SPIDR: variants seen among roughly 807,000 people sequenced by gnomAD.
SPIDR encodes DNA repair-scaffolding protein.
SPIDR carries 93 observed loss-of-function variants against 104.6 expected under a neutral mutation model. That is an observed-to-expected ratio of 0.89 (90% CI 0.75 to 1.06). SPIDR has a LOEUF of 1.06. SPIDR is among the 50% of genes least tolerant of loss of function. SPIDR has a pLI of 0.00. For synonymous variants in SPIDR, 431 were observed against 416.9 expected (o/e 1.03, Z -0.41); for missense variants, 1,154 against 1,111.2 (o/e 1.04, Z -0.55).
intron 5 of SPIDR, among the ~76,000 whole-genome samples, chr8:47,312,339 G>C (rs1157388170): frequency 1.2e-4 from 19 of 152,196 alleles, no homozygotes; most frequent in Non-Finnish European, 2.9e-5. Context: ...CCCACCAACA[G>C]TGTAAAAGTG....
intron 2 of SPIDR, among the ~76,000 whole-genome samples, chr8:47,280,392 T>TG (rs2037507183): frequency 8.5e-6 from 1 of 117,750 alleles, no homozygotes; most frequent in African/African-American, 5.0e-5. Flanking sequence ...CGTGCCTGGC[T>TG]AATTTTTTTT....
At chr8:47,637,877 C>G (rs2068207209) in intron 10 of SPIDR, among the ~76,000 whole-genome samples, 1 of 152,134 alleles carries the variant, frequency 6.6e-6, no homozygotes, top group Non-Finnish European at 1.5e-5. Context: ...ACAGAGAGCT[C>G]CAATCCCCTT....
chr8:47,567,738 A>C (rs1355481233), intron 8 of SPIDR, among the ~76,000 whole-genome samples: 1 of 151,352 alleles, frequency 6.6e-6, no homozygotes, highest in African/African-American at 2.4e-5. Flanking sequence ...ACAGTGCACT[A>C]ACTTGAACTT....
Position 47,735,750 on chromosome 8 carries a change from ATT to A in SPIDR, c.*307_*308del. 1 of 586,512 alleles carries A rather than the reference ATT, an allele frequency of 1.7e-6. No individual in the cohort carries two copies. The highest frequency in any genetic ancestry group is 3.2e-5 in the East Asian group (1 of 31,404). The allele number at this position is 586,512 out of a possible 1,614,324, so 36.3% of individuals were successfully genotyped here. A position where few individuals can be genotyped will look rare whatever the true frequency, so the allele number is the denominator to read the frequency against. ...TATTTAGGCAATATATGAGAAAAAA[ATT>A]TTTTTTGTTCATTTGTAATTTTAAC... On this transcript the variant is annotated 3_prime_UTR_variant, in exon 20 of 20. Transcript: ENST00000297423.
At chr8:47,654,694 A>T (rs2072379083) in intron 10 of SPIDR, among the ~76,000 whole-genome samples, 1 of 152,158 alleles carries the variant, frequency 6.6e-6, no homozygotes, top group Admixed American at 6.5e-5. Flanking sequence ...CATATAAGAC[A>T]TTATCTTTTA....
rs184016646 is a variant in SPIDR at position 47,548,879 on chromosome 8, C to T, written c.1098-46932C>T. 1.8e-3 allele frequency among the ~76,000 whole-genome samples: 274 copies of T among 152,280 alleles called. 2 individuals carry two copies. Among genetic ancestry groups the T allele is most frequent in the African/African-American group, 6.0e-3 (249 of 41,554 alleles). On this transcript the variant is annotated intron_variant, in intron 8 of 19. Transcript: ENST00000297423. Reference sequence around the variant, plus strand: ...TGCTGTGCTGCACCCATTAATTCATCATTTACATTAGGTATATCTCCTAAT... The same window carrying T: ...TGCTGTGCTGCACCCATTAATTCATTATTTACATTAGGTATATCTCCTAAT...
chr8:47,687,391 G>A (rs1171501182), intron 11 of SPIDR, among the ~76,000 whole-genome samples: 2 of 152,176 alleles, frequency 1.3e-5, no homozygotes, highest in Admixed American at 6.5e-5. Flanking sequence ...TATGGTTTGC[G>A]TTTTTCACTT....
intron 10 of SPIDR, chr8:47,660,528 T>A: frequency 1.0e-6 from 1 of 985,408 alleles, no homozygotes; most frequent in Non-Finnish European, 1.2e-6. Context: ...ATTCTGCTGC[T>A]ACCCTGTTCC....
intron 7 of SPIDR, among the ~76,000 whole-genome samples, chr8:47,424,871 C>G (rs1357964965): frequency 6.6e-6 from 1 of 152,152 alleles, no homozygotes; most frequent in African/African-American, 2.4e-5. Context: ...GCTGGGATTA[C>G]AGGCGCCTGC....
At chr8:47,414,588 A>G (rs1419809501) in intron 7 of SPIDR, among the ~76,000 whole-genome samples, 4 of 152,076 alleles carry the variant, frequency 2.6e-5, no homozygotes, top group Non-Finnish European at 5.9e-5. Flanking sequence ...GGAGTATTTA[A>G]TTACCCCACA....
chr8:47,279,640 T>C (rs1586249543), intron 1 of SPIDR, among the ~76,000 whole-genome samples: 1 of 152,202 alleles, frequency 6.6e-6, no homozygotes, highest in Admixed American at 6.5e-5. Context: ...TGGTTTGTCT[T>C]TACCCACTTG....
At chr8:47,489,079 A>G (rs544876332) in intron 8 of SPIDR, among the ~76,000 whole-genome samples, 1 of 152,218 alleles carries the variant, frequency 6.6e-6, no homozygotes, top group Non-Finnish European at 1.5e-5. Flanking sequence ...TTTGCAGATG[A>G]CATGATTGTA....
At chr8:47,654,017 C>T (rs1804771319) in intron 10 of SPIDR, 14 of 1,287,512 alleles carry the variant, frequency 1.1e-5, no homozygotes, top group Non-Finnish European at 1.4e-5. Flanking sequence ...CTATCAGATT[C>T]CATGAGGGGA....
At chr8:47,274,726 C>T (rs1452573179) in intron 1 of SPIDR, among the ~76,000 whole-genome samples, 4 of 151,262 alleles carry the variant, frequency 2.6e-5, no homozygotes, top group East Asian at 2.0e-4. Flanking sequence ...ACAGGCACCG[C>T]GACCACACCC....
At chr8:47,430,828 C>T (rs1344675616) in intron 7 of SPIDR, among the ~76,000 whole-genome samples, 3 of 152,124 alleles carry the variant, frequency 2.0e-5, no homozygotes, top group African/African-American at 7.2e-5. Context: ...TTACTGGACA[C>T]CATTTTAATC....
chr8:47,660,305 ATTCAC>A (rs2073898069), intron 10 of SPIDR: 1 of 307,390 alleles, frequency 3.3e-6, no homozygotes, highest in African/African-American at 2.3e-5. Flanking sequence ...AAAGACAAAT[ATTCAC>A]TTCATAATGG....
At chr8:47,278,272 C>T (rs1307083549) in intron 1 of SPIDR, among the ~76,000 whole-genome samples, 2 of 151,950 alleles carry the variant, frequency 1.3e-5, no homozygotes, top group Admixed American at 1.3e-4. Flanking sequence ...CCTCCCACCC[C>T]AGCCTCTTGA....
intron 6 of SPIDR, among the ~76,000 whole-genome samples, chr8:47,403,582 T>C (rs2062240341): frequency 6.6e-6 from 1 of 152,154 alleles, no homozygotes; most frequent in Non-Finnish European, 1.5e-5. Flanking sequence ...AGCCAAATTA[T>C]GAGTGAACTC....
intron 7 of SPIDR, among the ~76,000 whole-genome samples, chr8:47,420,486 T>C (rs559772428): frequency 1.2e-4 from 18 of 152,306 alleles, no homozygotes; most frequent in African/African-American, 4.3e-4. Flanking sequence ...CCTCCATCCT[T>C]TTATTTTGAG....
Sources: allele counts gnomAD v4.1 joint callset (sites outside exome capture counted in the v4.1 genomes callset), GRCh38; gene constraint gnomAD v4.1.1; transcripts MANE v1.5; gene names NCBI Gene and HGNC (gene_info 2026-07-23, HGNC 2026-07-21).